Variants in SCFD2 observed in about 807,000 individuals in gnomAD.
SCFD2 encodes sec1 family domain containing 2, also known as sec1 family domain-containing protein 2.
In SCFD2, 54 loss-of-function variants were observed where a neutral mutation model predicts 58.9. The ratio of observed to expected loss-of-function variants is 0.92; its 90% CI spans 0.74 to 1.15. The LOEUF is 1.15. Ranked by LOEUF, SCFD2 falls within the 50% of genes most tolerant of loss-of-function variation. The pLI, the probability that SCFD2 is intolerant of heterozygous loss-of-function variation, is 0.00. For missense variants in SCFD2, 805 were observed against 836.6 expected (o/e 0.96, Z 0.47); for synonymous variants, 321 against 335.9 (o/e 0.96, Z 0.49).
intron 4 of SCFD2, among the ~76,000 whole-genome samples, chr4:53,149,540 G>A (rs1260409951): frequency 6.6e-6 from 1 of 152,172 alleles, no homozygotes; most frequent in Non-Finnish European, 1.5e-5. Context: ...AACCTATGTA[G>A]ATACTTTTAC....
In SCFD2 at chr4:53,014,895, A is replaced by G. The variant is rs1722175157; in HGVS notation, c.1562-94025T>C. 2.0e-5 allele frequency among the ~76,000 whole-genome samples: 3 copies of G among 152,222 alleles called. No homozygotes were observed. The South Asian group carries it at 6.2e-4, about 31-fold the overall frequency. ...ACCAAAAAATGGTTAGAGAATCTCT[A>G]TTTTGTGAAAAACGCATTAACTCAG... On this transcript the variant is annotated intron_variant, in intron 5 of 8. Transcript: ENST00000401642.
chr4:52,923,322 C>A (rs895368372), intron 5 of SCFD2, among the ~76,000 whole-genome samples: 1 of 151,782 alleles, frequency 6.6e-6, no homozygotes, highest in South Asian at 2.1e-4. Context: ...ACAAAAAATG[C>A]TAAAATTAGC....
chr4:53,009,677 A>G (rs1435576482), intron 5 of SCFD2, among the ~76,000 whole-genome samples: 5 of 152,098 alleles, frequency 3.3e-5, no homozygotes, highest in Non-Finnish European at 7.4e-5. Flanking sequence ...CATAGTCTCA[A>G]CCTCCATTTC....
chr4:53,247,758 G>A (rs974652052), intron 4 of SCFD2, among the ~76,000 whole-genome samples: 1 of 146,832 alleles, frequency 6.8e-6, no homozygotes, highest in Non-Finnish European at 1.5e-5. Context: ...CTACTCGGGA[G>A]GCTGAGGCAG....
In SCFD2 at chr4:53,046,368, C is replaced by T. The variant is rs913493366; in HGVS notation, c.1561+98965G>A. Among the ~76,000 whole-genome samples the T allele has an allele frequency of 3.3e-5, 5 of 152,156 alleles. 1 individual carries two copies. The highest frequency in any genetic ancestry group is 3.9e-4 in the East Asian group (2 of 5,164). ...AGCTGGGACTACAGGTGCGTGCCAC[C>T]ACACTCAGCTAATTTCTGTACTTTT... is the stretch of plus-strand genomic sequence containing the variant. On this transcript the variant is annotated intron_variant, in intron 5 of 8. Coordinates refer to ENST00000401642, the MANE Select transcript of SCFD2 (RefSeq NM_152540.4).
chr4:53,057,309 C>A (rs1344980856), intron 5 of SCFD2, among the ~76,000 whole-genome samples: 1 of 152,046 alleles, frequency 6.6e-6, no homozygotes, highest in Non-Finnish European at 1.5e-5. Context: ...TACATATATA[C>A]CATGGAATAC....
chr4:53,218,273 G>C (rs1225817693), intron 4 of SCFD2, among the ~76,000 whole-genome samples: 3 of 152,142 alleles, frequency 2.0e-5, no homozygotes, highest in East Asian at 3.9e-4. Context: ...GTCACTTTCA[G>C]GTACACCAAT....
intron 4 of SCFD2, among the ~76,000 whole-genome samples, chr4:53,271,767 A>T (rs1731176613): frequency 6.6e-6 from 1 of 151,950 alleles, no homozygotes; most frequent in South Asian, 2.1e-4. Context: ...CCAGCCCATC[A>T]CTTTGGATTA....
intron 5 of SCFD2, among the ~76,000 whole-genome samples, chr4:53,050,904 T>C (rs889303634): frequency 1.3e-5 from 2 of 152,166 alleles, no homozygotes; most frequent in African/African-American, 4.8e-5. Context: ...TTTCCTGTCG[T>C]CTGTCAGGTG....
chr4:53,186,735 A>G (rs1727747644), intron 4 of SCFD2, among the ~76,000 whole-genome samples: 1 of 152,040 alleles, frequency 6.6e-6, no homozygotes, highest in South Asian at 2.1e-4. Context: ...TAGGACACCA[A>G]GAGCAAAATC....
chr4:52,919,394 G>A (rs569088602), intron 6 of SCFD2, among the ~76,000 whole-genome samples: 4 of 152,202 alleles, frequency 2.6e-5, no homozygotes, highest in African/African-American at 4.8e-5. Flanking sequence ...ACAAAACTAC[G>A]TATGAATACC....
chr4:53,077,025 T>A (rs1474769020), intron 5 of SCFD2, among the ~76,000 whole-genome samples: 1 of 152,208 alleles, frequency 6.6e-6, no homozygotes, highest in Admixed American at 6.5e-5. Context: ...CCCAATGGTA[T>A]CATCATAGAA....
At position 53,352,778 on chromosome 4, in the gene SCFD2, G is replaced by A. The variant is rs752734224; in HGVS notation, c.839-12C>T. ...ATGTCCAACTGCTCCTGTTTAAGCA[G>A]ACAAGATGATGTAAATTCATAAAAT... On this transcript the variant is annotated splice_polypyrimidine_tract_variant and intron_variant, in intron 1 of 8. Transcript: ENST00000401642. 54 of 1,601,948 alleles carry A rather than the reference G, an allele frequency of 3.4e-5. No homozygotes were observed. The highest frequency in any genetic ancestry group is 4.3e-5 in the Non-Finnish European group (50 of 1,170,636).
At chr4:53,101,224 T>C (rs1560335933) in intron 5 of SCFD2, among the ~76,000 whole-genome samples, 1 of 152,330 alleles carries the variant, frequency 6.6e-6, no homozygotes. Flanking sequence ...CTATGCTGTA[T>C]ATGAACCTAG....
intron 7 of SCFD2, among the ~76,000 whole-genome samples, chr4:52,903,868 C>T (rs1269350989): frequency 2.0e-5 from 3 of 152,162 alleles, no homozygotes; most frequent in Non-Finnish European, 4.4e-5. Context: ...TAGAAAAACG[C>T]TAGCATGAAG....
chr4:53,106,281 G>C (rs951965236), intron 5 of SCFD2, among the ~76,000 whole-genome samples: 2 of 152,182 alleles, frequency 1.3e-5, no homozygotes, highest in African/African-American at 4.8e-5. Context: ...GCACAAAAAG[G>C]CTGAAAATTC....
intron 6 of SCFD2, among the ~76,000 whole-genome samples, chr4:52,914,468 C>A (rs1364618902): frequency 1.3e-5 from 2 of 152,186 alleles, no homozygotes; most frequent in Admixed American, 6.5e-5. Flanking sequence ...CCAAGTAGCT[C>A]CTCAGTAGCT....
At chr4:53,181,297 C>G (rs1446990227) in intron 4 of SCFD2, among the ~76,000 whole-genome samples, 1 of 152,138 alleles carries the variant, frequency 6.6e-6, no homozygotes, top group Non-Finnish European at 1.5e-5. Context: ...CATCAAAAAG[C>G]TTATCCACCA....
At chr4:52,908,260 C>T (rs1161921708) in intron 6 of SCFD2, among the ~76,000 whole-genome samples, 3 of 152,210 alleles carry the variant, frequency 2.0e-5, no homozygotes, top group African/African-American at 7.2e-5. Context: ...TTTTCTGTAA[C>T]CTGAATAACC....
Sources: gnomAD v4.1 joint callset for allele counts (sites outside exome capture counted in the v4.1 genomes callset) on GRCh38, gnomAD v4.1.1 for gene constraint, MANE v1.5 for transcripts, NCBI Gene and HGNC (gene_info 2026-07-23, HGNC 2026-07-21) for gene names.